RTN1: variants seen among roughly 807,000 people sequenced by gnomAD.
The protein encoded by RTN1 is reticulon-1.
RTN1 carries 25 observed loss-of-function variants against 65.5 expected under a neutral mutation model. The ratio of observed to expected loss-of-function variants is 0.38; its 90% confidence interval spans 0.28 to 0.53. The LOEUF is 0.53. Ranked by LOEUF, RTN1 falls within the 20% of genes least tolerant of loss-of-function variation. RTN1 has a pLI of 0.79. For synonymous variants in RTN1, 471 were observed against 447.6 expected (o/e 1.05, Z -0.66); for missense variants, 983 against 1,025.4 (o/e 0.96, Z 0.57).
intron 3 of RTN1, among the ~76,000 whole-genome samples, chr14:59,726,364 G>A (rs971126319): frequency 6.6e-6 from 1 of 152,148 alleles, no homozygotes; most frequent in Admixed American, 6.5e-5. Context: ...CCCAACTGTG[G>A]TCTCTGTCTT....
chr14:59,765,627 G>C (rs1840302460), intron 1 of RTN1, among the ~76,000 whole-genome samples: 1 of 152,142 alleles, frequency 6.6e-6, no homozygotes, highest in Non-Finnish European at 1.5e-5. Flanking sequence ...AAATAAATAA[G>C]AGCTTGCAAA....
intron 3 of RTN1, among the ~76,000 whole-genome samples, chr14:59,646,216 T>G (rs1882892973): frequency 6.6e-6 from 1 of 152,164 alleles, no homozygotes; most frequent in Non-Finnish European, 1.5e-5. Flanking sequence ...ATCTCAGAAC[T>G]TGGAAGACTG....
intron 1 of RTN1, among the ~76,000 whole-genome samples, chr14:59,759,949 G>A (rs1410421076): frequency 6.6e-6 from 1 of 152,098 alleles, no homozygotes; most frequent in Non-Finnish European, 1.5e-5. Flanking sequence ...AGGCAATTTG[G>A]GAATTCCTAT....
chr14:59,606,335 T>C (rs1408332148), intron 4 of RTN1, among the ~76,000 whole-genome samples: 2 of 151,944 alleles, frequency 1.3e-5, no homozygotes, highest in Non-Finnish European at 2.9e-5. Context: ...AGGAGTGTTA[T>C]GGACTGAATG....
At position 59,697,246 on chromosome 14, in the gene RTN1, C is replaced by T. The variant is rs893011776; in HGVS notation, c.1765+29673G>A. 3.9e-5 allele frequency among the ~76,000 whole-genome samples: 6 copies of T among 152,252 alleles called. No homozygotes were observed. In the East Asian group the frequency reaches 1.2e-3, roughly 29 times the overall value. ...TTCACTTCTCCCAGATAATTACTGG[C>T]CTCTCCTTTGTGTTCCTTGTTCACA... On this transcript the variant is annotated intron_variant, in intron 3 of 8. Coordinates refer to ENST00000267484, the MANE Select transcript of RTN1 (RefSeq NM_021136.3).
intron 3 of RTN1, chr14:59,630,550 C>A: frequency 6.2e-7 from 1 of 1,610,548 alleles, no homozygotes. Flanking sequence ...TCGGGGGCGC[C>A]GAGCGTGCAC....
chr14:59,777,223 C>T (rs1334852695), intron 1 of RTN1, among the ~76,000 whole-genome samples: 1 of 152,148 alleles, frequency 6.6e-6, no homozygotes, highest in Non-Finnish European at 1.5e-5. Flanking sequence ...TGATCATAGG[C>T]ATGATGATTC....
chr14:59,840,019 C>T (rs918310809), intron 1 of RTN1, among the ~76,000 whole-genome samples: 3 of 152,006 alleles, frequency 2.0e-5, no homozygotes, highest in Non-Finnish European at 4.4e-5. Flanking sequence ...CTTTTCCAGA[C>T]AGATTTCCAG....
intron 3 of RTN1, among the ~76,000 whole-genome samples, chr14:59,698,762 A>G (rs1324908247): frequency 6.6e-6 from 1 of 152,194 alleles, no homozygotes; most frequent in Non-Finnish European, 1.5e-5. Context: ...CAGCGCAAAA[A>G]TGGACTAATA....
intron 3 of RTN1, among the ~76,000 whole-genome samples, chr14:59,679,251 C>T (rs1449994245): frequency 6.6e-6 from 1 of 152,196 alleles, no homozygotes; most frequent in Non-Finnish European, 1.5e-5. Context: ...TGCACAGGTG[C>T]TCTGAAATGA....
intron 3 of RTN1, among the ~76,000 whole-genome samples, chr14:59,672,880 T>C (rs1162824025): frequency 6.6e-6 from 1 of 151,672 alleles, no homozygotes; most frequent in African/African-American, 2.4e-5. Flanking sequence ...GACCTCATGA[T>C]CCACCCGCCT....
At chr14:59,854,122 A>C (rs1227904502) in intron 1 of RTN1, among the ~76,000 whole-genome samples, 3 of 151,914 alleles carry the variant, frequency 2.0e-5, no homozygotes, top group Non-Finnish European at 4.4e-5. Context: ...GGCCTCCCAA[A>C]GTGCAGGATT....
In RTN1 at chr14:59,803,633, T is replaced by A. The variant is rs1041209336; in HGVS notation, c.242-57152A>T. 9.2e-5 allele frequency among the ~76,000 whole-genome samples: 14 copies of A among 152,214 alleles called. No individual in the cohort carries two copies. Among genetic ancestry groups the A allele is most frequent in the African/African-American group, 2.7e-4 (11 of 41,454 alleles). ...AGAAGACAAGAGGTAAAAGTATTAA[T>A]GTGACCCACTTCTATTCATCATCCA... On this transcript the variant is annotated intron_variant, in intron 1 of 8. Transcript: ENST00000267484. The surrounding 1 kb of genome is among the most constrained non-coding windows in gnomAD (Gnocchi z 5.6).
In RTN1 at chr14:59,727,423, T is replaced by C. The variant is rs764887838; in HGVS notation, c.1261A>G (p.Met421Val). ...GAGGGCAGCGCGTCCTCCGCGGCCA[T>C]GGGGTCCTCGGACACCAGCTCGATC... ...SEIELVSEDP[M>V]AAEDALPSGY... Residue 421 changes from methionine (M) to valine (V), a missense_variant, in exon 3 of 9, where the codon ATG becomes GTG. By Grantham distance (21) the Met-to-Val change is conservative (BLOSUM62 1). Coordinates refer to ENST00000267484, the MANE Select transcript of RTN1 (RefSeq NM_021136.3). The surrounding 1 kb of genome is among the most constrained non-coding windows in gnomAD (Gnocchi z 4.2). 69 of 1,552,278 alleles carry C rather than the reference T, an allele frequency of 4.4e-5. No homozygotes were observed. Among genetic ancestry groups the C allele is most frequent in the Non-Finnish European group, 6.0e-5 (69 of 1,148,892 alleles).
At chr14:59,749,362 A>ATATATC (rs1885340371) in intron 1 of RTN1, among the ~76,000 whole-genome samples, 1 of 69,030 alleles carries the variant, frequency 1.4e-5, no homozygotes, top group Non-Finnish European at 2.3e-5. Context: ...ATATATCTAT[A>ATATATC]TATATATCTA....
At chr14:59,763,364 G>C (rs954957254) in intron 1 of RTN1, among the ~76,000 whole-genome samples, 1 of 152,146 alleles carries the variant, frequency 6.6e-6, no homozygotes, top group Non-Finnish European at 1.5e-5. Flanking sequence ...TGATGAGCCA[G>C]AGTTTGGGAA....
chr14:59,786,838 C>T lies in RTN1; in HGVS notation c.242-40357G>A, dbSNP rs74847207. Among the ~76,000 whole-genome samples the T allele has an allele frequency of 3.0e-3, 458 of 152,226 alleles. 11 individuals are homozygous for T. In the East Asian group the frequency reaches 0.05, roughly 17 times the overall value. On this transcript the variant is annotated intron_variant, in intron 1 of 8. Transcript: ENST00000267484. The stretch of plus-strand genomic sequence containing the variant: ...AGAAAAAATATTGGCTTGCCTGGGA[C>T]TGTGTTTAGCTGTAAGAGTCACTAT...
At chr14:59,681,982 A>G (rs894930931) in intron 3 of RTN1, among the ~76,000 whole-genome samples, 4 of 152,118 alleles carry the variant, frequency 2.6e-5, no homozygotes, top group African/African-American at 4.8e-5. Context: ...TTGGTTACCA[A>G]TCTGTCCTTC....
intron 3 of RTN1, among the ~76,000 whole-genome samples, chr14:59,687,384 C>T (rs771620120): frequency 3.3e-5 from 5 of 151,708 alleles, no homozygotes; most frequent in African/African-American, 4.8e-5. Context: ...GATCAGTAGT[C>T]GGAGCCAGCC....
Sources: allele counts gnomAD v4.1 joint callset (sites outside exome capture counted in the v4.1 genomes callset), GRCh38; gene constraint gnomAD v4.1.1; non-coding constraint Gnocchi (gnomAD v3.1); transcripts MANE v1.5; gene names NCBI Gene and HGNC (gene_info 2026-07-23, HGNC 2026-07-21).